Variants in RPGR observed in about 807,000 individuals in gnomAD.
The protein encoded by RPGR is X-linked retinitis pigmentosa GTPase regulator.
In RPGR, 10 loss-of-function variants were observed where a neutral mutation model predicts 56.3. That is an observed-to-expected ratio of 0.18 (90% CI 0.11 to 0.30). The LOEUF is 0.30. RPGR is among the 10% of genes least tolerant of loss of function. RPGR has a pLI of 1.00. For missense variants in RPGR, 538 were observed against 590.9 expected, an observed-to-expected ratio of 0.91 and a Z score of 0.93; for synonymous variants, 197 against 212.9, an observed-to-expected ratio of 0.93 and a Z score of 0.65.
chrX:38,297,813 T>A (rs1328878627), intron 10 of RPGR, among the ~76,000 whole-genome samples: 1 of 112,164 alleles, frequency 8.9e-6, no homozygotes, highest in African/African-American at 3.2e-5. Context: ...TTTTTCATAA[T>A]AAAACACCAG....
At chrX:38,301,140 T>C in intron 9 of RPGR, 107 bp downstream of exon 9, 1 of 671,449 alleles carries the variant, frequency 1.5e-6, no homozygotes, top group Non-Finnish European at 2.2e-6. Flanking sequence ...TAGATATATA[T>C]ATGATACTCT....
In RPGR at chrX:38,323,447, C is replaced by A. The variant is rs62638628; in HGVS notation, c.106G>T (p.Val36Phe). Residue 36 changes from valine (V) to phenylalanine (F), a missense_variant, in exon 2 of 19, where the codon GTC becomes TTC. Around this residue, in one of 2 missense-constraint regions of RPGR, gnomAD observed 181 missense variants for 265.1 expected, o/e 0.68. Transcript: ENST00000642395. The stretch of plus-strand genomic sequence containing the variant: ...TCTCCACATGAAAGATGTACAGGGA[C>A]ATCATTTTTAAACCAGAATTTACCG... 4.1e-6 allele frequency: 5 copies of A among 1,205,139 alleles called. No homozygotes were observed. The highest frequency in any genetic ancestry group is 5.6e-6 in the Non-Finnish European group (5 of 891,065).
At chrX:38,320,397 T>A in intron 4 of RPGR, among the ~76,000 whole-genome samples, 1 of 112,111 alleles carries the variant, frequency 8.9e-6, no homozygotes, top group Non-Finnish European at 1.9e-5. Context: ...CTATTGAATT[T>A]CCTTGGCATC....
chrX:38,287,723 G>T, intron 14 of RPGR, 138 bp downstream of exon 14: 1 of 600,788 alleles, frequency 1.7e-6, no homozygotes, highest in Non-Finnish European at 2.8e-6. Context: ...TTCTGACTGT[G>T]TCCTCCATCA....
chrX:38,300,508 T>G (rs1285996132), intron 9 of RPGR, among the ~76,000 whole-genome samples: 1 of 111,562 alleles, frequency 9.0e-6, no homozygotes, highest in East Asian at 2.8e-4. Context: ...TAAGAAAATT[T>G]AGCCAAAAAA....
In RPGR at chrX:38,287,258, C is replaced by G. The variant is rs1163126564; in HGVS notation, c.1754-13G>C. The G allele has an allele frequency of 8.3e-7, 1 of 1,208,507 alleles. No individual in the cohort carries two copies. Among genetic ancestry groups the G allele is most frequent in the African/African-American group, 1.7e-5 (1 of 57,761 alleles). ...TCCTCTGGGATCTCTGACAAGCGAT[C>G]ACATTTAAAATCATACTTTGCCATG... On this transcript the variant is annotated splice_polypyrimidine_tract_variant and intron_variant, in intron 14 of 18. Transcript: ENST00000642395.
intron 6 of RPGR, among the ~76,000 whole-genome samples, chrX:38,311,688 G>A (rs1361314212): frequency 1.8e-5 from 2 of 111,322 alleles, no homozygotes; most frequent in Non-Finnish European, 3.8e-5. Flanking sequence ...GGTTTGTCAG[G>A]GCTGCTTGCA....
chrX:38,291,148 A>T (rs1206573134), intron 12 of RPGR, 124 bp from the exon 13 acceptor site: 6 of 184,302 alleles, frequency 3.3e-5, no homozygotes, highest in Admixed American at 8.2e-5. Context: ...TATATATATA[A>T]AATGAAGGGA....
intron 1 of RPGR, chrX:38,325,703 G>C (rs2068036846): frequency 8.9e-6 from 1 of 111,915 alleles, no homozygotes; most frequent in Admixed American, 9.5e-5. Context: ...AAAATGCCAC[G>C]GTCCTAGGAG....
intron 11 of RPGR, among the ~76,000 whole-genome samples, chrX:38,294,715 T>C (rs1296076405): frequency 1.8e-5 from 2 of 112,577 alleles, no homozygotes; most frequent in Non-Finnish European, 3.8e-5. Context: ...TGTGTCAAGC[T>C]TCCTCTTGCT....
In RPGR at chrX:38,286,864, T is replaced by C. The variant is rs749852225; in HGVS notation, c.1905+230A>G. 1.2e-5 allele frequency: 14 copies of C among 1,194,781 alleles called. No homozygotes were observed. In the East Asian group the frequency reaches 4.2e-4, roughly 36 times the overall value. ...CTGATGGCCCTGCTCCCTCTCCTTT[T>C]GCTCCTGCTCTTCCCCATCCCTCTT... On this transcript the variant is annotated intron_variant, in intron 15 of 18. Coordinates refer to ENST00000642395, the MANE Select transcript of RPGR (RefSeq NM_000328.3).
intron 11 of RPGR, among the ~76,000 whole-genome samples, chrX:38,292,799 GAA>G (rs1569241762): frequency 9.0e-6 from 1 of 111,273 alleles, no homozygotes; most frequent in Non-Finnish European, 1.9e-5. Flanking sequence ...TGGCAATCAG[GAA>G]AAGTTTCACT....
chrX:38,303,576 G>C (rs2067542134), intron 8 of RPGR: 1 of 269,987 alleles, frequency 3.7e-6, no homozygotes, highest in South Asian at 2.5e-4. Context: ...CTATAGTTAA[G>C]GGATACACAA....
intron 17 of RPGR, among the ~76,000 whole-genome samples, chrX:38,274,510 G>C (rs1201789648): frequency 8.9e-6 from 1 of 112,206 alleles, no homozygotes; most frequent in Non-Finnish European, 1.9e-5. Context: ...GTAGTAAAAA[G>C]GCTACTTAAA....
intron 11 of RPGR, among the ~76,000 whole-genome samples, chrX:38,294,282 C>A (rs764144462): frequency 8.9e-6 from 1 of 111,939 alleles, no homozygotes; most frequent in Admixed American, 9.5e-5. Flanking sequence ...TCTTCCTTCT[C>A]TACCCCTCAA....
chrX:38,285,597 T>A, intron 15 of RPGR: 1 of 1,211,913 alleles, frequency 8.3e-7, no homozygotes, highest in Non-Finnish European at 1.1e-6. Flanking sequence ...TGGAACCTGA[T>A]GGCCCGTTTT....
At chrX:38,289,218 AAAT>A (rs1170468806) in intron 13 of RPGR, among the ~76,000 whole-genome samples, 12 of 112,431 alleles carry the variant, frequency 1.1e-4, no homozygotes, top group African/African-American at 3.2e-4. Flanking sequence ...TCTATAAACT[AAAT>A]AATAATGAAT....
intron 1 of RPGR, 27 bp downstream of exon 1, chrX:38,327,313 T>C (rs1395950340): frequency 5.1e-6 from 6 of 1,176,289 alleles, no homozygotes; most frequent in Admixed American, 2.4e-5. Context: ...CTCCCGGCCT[T>C]CCGCCACCGG....
intron 11 of RPGR, among the ~76,000 whole-genome samples, chrX:38,294,230 G>A (rs1423859600): frequency 9.0e-6 from 1 of 111,342 alleles, no homozygotes; most frequent in African/African-American, 3.3e-5. Context: ...CCCACCTCCT[G>A]CCTTACTGGC....
Sources: allele counts gnomAD v4.1 joint callset (sites outside exome capture counted in the v4.1 genomes callset), GRCh38; gene constraint gnomAD v4.1.1; regional missense constraint gnomAD v4.1.1; transcripts MANE v1.5; gene names NCBI Gene and HGNC (gene_info 2026-07-23, HGNC 2026-07-21).